Variants in NAALADL2 observed in about 807,000 individuals in gnomAD.
NAALADL2 encodes inactive N-acetylated-alpha-linked acidic dipeptidase-like protein 2.
In NAALADL2, 76 loss-of-function variants were observed where a neutral mutation model predicts 87.2. The observed-to-expected ratio is 0.87, with a 90% CI of 0.72 to 1.05. The LOEUF is 1.05. NAALADL2 is among the 50% of genes least tolerant of loss of function. NAALADL2 has a pLI of 0.00. For synonymous variants in NAALADL2, 354 were observed against 331.0 expected (o/e 1.07, Z -0.75); for missense variants, 1,089 against 945.8 (o/e 1.15, Z -1.99).
intron 11 of NAALADL2, among the ~76,000 whole-genome samples, chr3:175,666,319 G>C (rs879513523): frequency 6.6e-5 from 10 of 152,042 alleles, no homozygotes; most frequent in Non-Finnish European, 1.2e-4. Context: ...GAGAACTCAG[G>C]TTCCTAGAGT....
At chr3:175,773,529 T>C (rs1188713338) in intron 13 of NAALADL2, 1 of 152,138 alleles carries the variant, frequency 6.6e-6, no homozygotes, top group African/African-American at 2.4e-5. Flanking sequence ...TTTAATTTGA[T>C]TGCAGTGTTC....
At chr3:175,259,319 C>T (rs944284217) in intron 4 of NAALADL2, among the ~76,000 whole-genome samples, 8 of 152,204 alleles carry the variant, frequency 5.3e-5, no homozygotes, top group East Asian at 1.9e-4. Context: ...CAAGAAGATA[C>T]GATTTTAAAT....
intron 2 of NAALADL2, among the ~76,000 whole-genome samples, chr3:174,587,984 TC>T: frequency 6.6e-6 from 1 of 152,274 alleles, no homozygotes; most frequent in East Asian, 1.9e-4. Flanking sequence ...TTGGTTCAAT[TC>T]CCCCTGTCAC....
At chr3:175,546,119 A>C (rs6773768) in intron 9 of NAALADL2, among the ~76,000 whole-genome samples, 1 of 152,034 alleles carries the variant, frequency 6.6e-6, no homozygotes, top group African/African-American at 2.4e-5. Context: ...CAGCATGAGC[A>C]TTGTGTTCAC....
intron 1 of NAALADL2, among the ~76,000 whole-genome samples, chr3:174,990,283 A>G (rs148556789): frequency 6.6e-5 from 10 of 152,316 alleles, no homozygotes; most frequent in East Asian, 1.9e-4. Flanking sequence ...TCATGTTGGC[A>G]TGACTGACAG....
chr3:174,679,859 T>C (rs1316445722), intron 2 of NAALADL2, among the ~76,000 whole-genome samples: 4 of 152,210 alleles, frequency 2.6e-5, no homozygotes, highest in Non-Finnish European at 5.9e-5. Flanking sequence ...GGAGAAGATA[T>C]AATCTCTTAG....
At chr3:175,610,581 A>G (rs1459435102) in intron 10 of NAALADL2, among the ~76,000 whole-genome samples, 2 of 152,142 alleles carry the variant, frequency 1.3e-5, no homozygotes, top group African/African-American at 4.8e-5. Flanking sequence ...TAATCCACAA[A>G]TAATACTGTA....
At chr3:175,712,982 G>A (rs1440654451) in intron 11 of NAALADL2, among the ~76,000 whole-genome samples, 1 of 152,052 alleles carries the variant, frequency 6.6e-6, no homozygotes, top group East Asian at 1.9e-4. Context: ...TGACCTAACT[G>A]TAGTAAAGTC....
chr3:175,558,886 A>G (rs1715799656), intron 9 of NAALADL2, among the ~76,000 whole-genome samples: 1 of 152,152 alleles, frequency 6.6e-6, no homozygotes, highest in African/African-American at 2.4e-5. Context: ...CTTTTTGCTT[A>G]GAATAGCTTT....
intron 11 of NAALADL2, among the ~76,000 whole-genome samples, chr3:175,699,879 T>C (rs1398644262): frequency 6.6e-6 from 1 of 152,090 alleles, no homozygotes; most frequent in Non-Finnish European, 1.5e-5. Context: ...TTTTAAACAA[T>C]ATTATACTTG....
chr3:174,993,419 C>G (rs970353608), intron 1 of NAALADL2, among the ~76,000 whole-genome samples: 3 of 151,992 alleles, frequency 2.0e-5, no homozygotes, highest in Non-Finnish European at 4.4e-5. Context: ...CATGGAGCCT[C>G]TCTTCAAGCA....
intron 3 of NAALADL2, among the ~76,000 whole-genome samples, chr3:174,774,974 C>T (rs1180541772): frequency 6.6e-6 from 1 of 152,042 alleles, no homozygotes; most frequent in African/African-American, 2.4e-5. Context: ...GGCTGTTCTG[C>T]TTGTACCCTT....
chr3:175,257,307 C>A (rs1220929708), intron 4 of NAALADL2: 1 of 151,566 alleles, frequency 6.6e-6, no homozygotes, highest in African/African-American at 2.4e-5. Flanking sequence ...ACTCCCAGGT[C>A]CAAAAACATT....
At chr3:174,569,525 G>T (rs2108530664) in intron 2 of NAALADL2, among the ~76,000 whole-genome samples, 1 of 152,008 alleles carries the variant, frequency 6.6e-6, no homozygotes, top group South Asian at 2.1e-4. Context: ...TCTTTCTATT[G>T]TCTGAGTTTT....
At chr3:175,206,292 A>G (rs1288943415) in intron 2 of NAALADL2, among the ~76,000 whole-genome samples, 65 of 110,094 alleles carry the variant, frequency 5.9e-4, no homozygotes, top group African/African-American at 2.2e-3. Flanking sequence ...GTGTGTATGT[A>G]TGTGTATATA....
chr3:174,684,970 TC>T (rs1727895838), intron 2 of NAALADL2, among the ~76,000 whole-genome samples: 1 of 152,126 alleles, frequency 6.6e-6, no homozygotes, highest in Admixed American at 6.6e-5. Context: ...CTTGTCTGGT[TC>T]CTCTCATCTC....
intron 2 of NAALADL2, among the ~76,000 whole-genome samples, chr3:175,108,306 AAG>A (rs986434254): frequency 6.6e-6 from 1 of 151,978 alleles, no homozygotes; most frequent in African/African-American, 2.4e-5. Flanking sequence ...GAAATAAAGA[AAG>A]AAAACTATGA....
chr3:174,889,443 CT>C (rs1409939413), intron 1 of NAALADL2, among the ~76,000 whole-genome samples: 4 of 152,114 alleles, frequency 2.6e-5, no homozygotes, highest in African/African-American at 9.7e-5. Context: ...TACCACCTGC[CT>C]TTAGTTCCCT....
At chr3:175,589,637 G>A (rs1364691611) in intron 10 of NAALADL2, among the ~76,000 whole-genome samples, 1 of 151,848 alleles carries the variant, frequency 6.6e-6, no homozygotes, top group African/African-American at 2.4e-5. Context: ...ATTAAATGCT[G>A]TTGGATATTA....
Sources: allele counts gnomAD v4.1 joint callset (sites outside exome capture counted in the v4.1 genomes callset), GRCh38; gene constraint gnomAD v4.1.1; transcripts MANE v1.5; gene names NCBI Gene and HGNC (gene_info 2026-07-23, HGNC 2026-07-21).